EDA: variants seen among roughly 807,000 people sequenced by gnomAD.
The protein encoded by EDA is ectodysplasin A, also known as ectodysplasin-A.
Under a neutral mutation model 23.6 loss-of-function variants are expected in EDA, and 2 were observed. The observed-to-expected ratio is 0.08, with a 90% confidence interval of 0.03 to 0.27. The LOEUF is 0.27. Among genes scored for constraint, EDA ranks in the 10% least tolerant of loss-of-function variants. The pLI, the probability that EDA is intolerant of heterozygous loss-of-function variation, is 1.00. For missense variants in EDA, 229 were observed against 324.2 expected (o/e 0.71, Z 2.26); for synonymous variants, 131 against 132.0 (o/e 0.99, Z 0.05).
chrX:69,654,462 A>T (rs1933225211), intron 1 of EDA, among the ~76,000 whole-genome samples: 1 of 111,830 alleles, frequency 8.9e-6, no homozygotes, highest in Middle Eastern at 4.6e-3. Context: ...TACCCAAAGG[A>T]TTATAAATCA....
At chrX:69,991,139 A>C (rs1004609960) in intron 2 of EDA, among the ~76,000 whole-genome samples, 1 of 111,626 alleles carries the variant, frequency 9.0e-6, no homozygotes, top group Non-Finnish European at 1.9e-5. Flanking sequence ...AACTTCTGTC[A>C]AATAGCTCAA....
intron 2 of EDA, among the ~76,000 whole-genome samples, chrX:69,961,350 A>G (rs763782771): frequency 7.1e-5 from 8 of 111,986 alleles, no homozygotes; most frequent in African/African-American, 2.6e-4. Flanking sequence ...AAAAATTTTT[A>G]TAAACAGTTC....
intron 1 of EDA, among the ~76,000 whole-genome samples, chrX:69,733,500 T>G (rs948700883): frequency 4.5e-5 from 5 of 112,348 alleles, no homozygotes; most frequent in Non-Finnish European, 5.6e-5. Context: ...TTTTGGTTAC[T>G]GTGGCCTTGT....
chrX:70,007,708 T>C (rs1306390659), intron 2 of EDA, among the ~76,000 whole-genome samples: 1 of 111,586 alleles, frequency 9.0e-6, no homozygotes, highest in Admixed American at 9.5e-5. Flanking sequence ...CTTAACAATA[T>C]TGAGTCTTCC....
At chrX:70,027,739 C>T (rs2020129645) in intron 3 of EDA, 118 bp from the exon 4 acceptor site, 1 of 475,795 alleles carries the variant, frequency 2.1e-6, no homozygotes, top group Non-Finnish European at 3.8e-6. Flanking sequence ...AGGAGAATCG[C>T]TTGAACCCGG....
intron 1 of EDA, among the ~76,000 whole-genome samples, chrX:69,669,288 T>C (rs2063859813): frequency 9.0e-6 from 1 of 111,170 alleles, no homozygotes; most frequent in African/African-American, 3.3e-5. Flanking sequence ...TTATTATTAA[T>C]AGGTAAAGAC....
At chrX:69,742,763 G>A (rs1359851242) in intron 1 of EDA, among the ~76,000 whole-genome samples, 1 of 110,649 alleles carries the variant, frequency 9.0e-6, no homozygotes, top group South Asian at 4.0e-4. Flanking sequence ...CTTGCCTGTG[G>A]CCTGGATAGT....
chrX:69,692,878 T>G (rs1443868037), intron 1 of EDA: 2 of 112,233 alleles, frequency 1.8e-5, no homozygotes, highest in Non-Finnish European at 3.8e-5. Context: ...ATAATGCTAC[T>G]ACATTATTGT....
chrX:69,776,625 A>G (rs372611833), intron 1 of EDA, among the ~76,000 whole-genome samples: 42 of 110,959 alleles, frequency 3.8e-4, no homozygotes, highest in African/African-American at 1.2e-3. Context: ...GAACAGAGTA[A>G]TACAAACAGA....
chrX:69,759,863 A>T (rs1418589265), intron 1 of EDA, among the ~76,000 whole-genome samples: 2 of 110,253 alleles, frequency 1.8e-5, no homozygotes, highest in Non-Finnish European at 3.8e-5. Flanking sequence ...AAGAGGCTCG[A>T]CATAAAAATG....
intron 1 of EDA, among the ~76,000 whole-genome samples, chrX:69,635,557 A>T (rs1328310748): frequency 1.2e-5 from 1 of 81,018 alleles, no homozygotes; most frequent in Non-Finnish European, 2.2e-5. Flanking sequence ...TCACATTCTA[A>T]CACCAAATCT....
intron 2 of EDA, among the ~76,000 whole-genome samples, chrX:69,972,975 G>T (rs2019268847): frequency 9.0e-6 from 1 of 111,053 alleles, no homozygotes; most frequent in Non-Finnish European, 1.9e-5. Flanking sequence ...TTTTCCATTT[G>T]AATTAGCTAT....
At chrX:69,715,375 G>T (rs185387540) in intron 1 of EDA, among the ~76,000 whole-genome samples, 44 of 111,024 alleles carry the variant, frequency 4.0e-4, no homozygotes, top group African/African-American at 1.4e-3. Flanking sequence ...ATGTGCTAAG[G>T]ATAATGGCCT....
chrX:69,733,794 G>A (rs900630375), intron 1 of EDA, among the ~76,000 whole-genome samples: 4 of 110,921 alleles, frequency 3.6e-5, no homozygotes, highest in African/African-American at 6.6e-5. Flanking sequence ...GTGGTTTGTC[G>A]TTCTCCTTGA....
At chrX:69,997,703 G>A (rs2019679846) in intron 2 of EDA, among the ~76,000 whole-genome samples, 2 of 111,593 alleles carry the variant, frequency 1.8e-5, no homozygotes, top group Non-Finnish European at 3.8e-5. Flanking sequence ...TGGTTTCGTG[G>A]GCCAGGCCCA....
intron 1 of EDA, among the ~76,000 whole-genome samples, chrX:69,798,331 C>G (rs1318609231): frequency 2.7e-5 from 3 of 111,675 alleles, no homozygotes; most frequent in African/African-American, 9.8e-5. Flanking sequence ...CAGACATTTA[C>G]AGAACAGTTT....
chrX:69,872,357 C>G (rs184603854), intron 1 of EDA, among the ~76,000 whole-genome samples: 1 of 111,881 alleles, frequency 8.9e-6, no homozygotes, highest in Admixed American at 9.5e-5. Flanking sequence ...ACAAAGTATT[C>G]AAGCAACAAA....
intron 1 of EDA, among the ~76,000 whole-genome samples, chrX:69,894,145 G>C (rs2017973566): frequency 9.0e-6 from 1 of 111,696 alleles, no homozygotes; most frequent in Admixed American, 9.5e-5. Flanking sequence ...AGTTATCCCA[G>C]CACCATTTAT....
intron 1 of EDA, among the ~76,000 whole-genome samples, chrX:69,799,814 C>CAAA (rs3048913): frequency 0.29 from 29,380 of 99,798 alleles, 4,492 homozygotes; most frequent in Middle Eastern, 0.52. Flanking sequence ...GCAGATTTCT[C>CAAA]AAAAAAAAAA....
Sources: allele counts gnomAD v4.1 joint callset (sites outside exome capture counted in the v4.1 genomes callset), GRCh38; gene constraint gnomAD v4.1.1; transcripts MANE v1.5; gene names NCBI Gene and HGNC (gene_info 2026-07-23, HGNC 2026-07-21).